GPC5: variants seen among roughly 807,000 people sequenced by gnomAD.
GPC5 encodes the protein glypican-5.
A neutral mutation model predicts 53.9 loss-of-function variants in GPC5; 47 were observed. The observed-to-expected ratio is 0.87, with a 90% CI of 0.69 to 1.11. GPC5 has a LOEUF of 1.11. Among genes scored for constraint, GPC5 ranks in the 50% most tolerant of loss-of-function variants. The probability of loss-of-function intolerance (pLI) is 0.00; values close to 1 mark genes in which losing one functional copy is unlikely to be tolerated. For missense variants in GPC5, 748 were observed against 713.1 expected (o/e 1.05, Z -0.56); for synonymous variants, 286 against 263.3 (o/e 1.09, Z -0.84).
intron 7 of GPC5, among the ~76,000 whole-genome samples, chr13:92,243,143 G>A (rs1353839083): frequency 6.6e-6 from 1 of 152,098 alleles, no homozygotes; most frequent in South Asian, 2.1e-4. Context: ...GACTTAATTT[G>A]ACTTGTTATT....
At chr13:92,415,395 G>A (rs1259326039) in intron 7 of GPC5, among the ~76,000 whole-genome samples, 2 of 152,148 alleles carry the variant, frequency 1.3e-5, no homozygotes, top group African/African-American at 4.8e-5. Context: ...GTAGATAGGT[G>A]TGAGGTATGT....
intron 7 of GPC5, among the ~76,000 whole-genome samples, chr13:92,372,047 T>A (rs978538812): frequency 2.6e-5 from 4 of 152,066 alleles, no homozygotes. Flanking sequence ...CACAAGGAGC[T>A]TCCTTCTGCC....
At chr13:91,757,320 A>C (rs985765902) in intron 5 of GPC5, among the ~76,000 whole-genome samples, 1 of 152,156 alleles carries the variant, frequency 6.6e-6, no homozygotes, top group African/African-American at 2.4e-5. Context: ...TCCATTAAAA[A>C]GTATACTTTG....
chr13:91,570,859 A>C (rs1398811870), intron 2 of GPC5, among the ~76,000 whole-genome samples: 1 of 152,192 alleles, frequency 6.6e-6, no homozygotes, highest in Admixed American at 6.6e-5. Flanking sequence ...TGGGACTCAG[A>C]ATTTTGGGAA....
At chr13:91,414,484 G>A (rs958830625) in intron 1 of GPC5, among the ~76,000 whole-genome samples, 6 of 152,120 alleles carry the variant, frequency 3.9e-5, no homozygotes, top group Non-Finnish European at 8.8e-5. Context: ...GTTTCCATAT[G>A]GAAAACCTGA....
At chr13:92,314,547 T>C (rs2043165937) in intron 7 of GPC5, among the ~76,000 whole-genome samples, 2 of 152,240 alleles carry the variant, frequency 1.3e-5, no homozygotes, top group Non-Finnish European at 2.9e-5. Flanking sequence ...TGTTTAGGCA[T>C]TCCATGTGTA....
chr13:92,499,553 G>A (rs1247764790), intron 7 of GPC5, among the ~76,000 whole-genome samples: 4 of 152,066 alleles, frequency 2.6e-5, no homozygotes, highest in Non-Finnish European at 5.9e-5. Flanking sequence ...CATGAAGAAG[G>A]CTGTGTATTT....
Position 92,428,448 on chromosome 13 carries a change from C to T in GPC5, c.1561+283459C>T, listed in dbSNP as rs138553023. ...CATCATCCAGACGCCAGCTTGCCTC[C>T]GATTGGTCCATATTTTTCAGTACTG... On this transcript the variant is annotated intron_variant, in intron 7 of 7. Coordinates refer to ENST00000377067, the MANE Select transcript of GPC5 (RefSeq NM_004466.6). 3.2e-4 allele frequency among the ~76,000 whole-genome samples: 48 copies of T among 152,128 alleles called. 1 individual carries two copies. The highest frequency in any genetic ancestry group is 1.1e-3 in the African/African-American group (45 of 41,544).
At chr13:92,570,978 C>T (rs1362805580) in intron 7 of GPC5, among the ~76,000 whole-genome samples, 7 of 152,116 alleles carry the variant, frequency 4.6e-5, no homozygotes, top group African/African-American at 1.4e-4. Flanking sequence ...TTTTCTCCTC[C>T]TTCTTTTGAT....
At chr13:91,879,395 G>T (rs1417988040) in intron 5 of GPC5, among the ~76,000 whole-genome samples, 1 of 152,048 alleles carries the variant, frequency 6.6e-6, no homozygotes, top group Non-Finnish European at 1.5e-5. Flanking sequence ...TCTGGAATTG[G>T]GCTGCTGTAC....
chr13:92,774,602 G>A (rs1354588184), intron 7 of GPC5, among the ~76,000 whole-genome samples: 1 of 152,086 alleles, frequency 6.6e-6, no homozygotes, highest in Non-Finnish European at 1.5e-5. Context: ...ATCACTAAAT[G>A]ATGCACTTTT....
At chr13:92,214,184 C>A (rs1336119414) in intron 7 of GPC5, among the ~76,000 whole-genome samples, 2 of 152,128 alleles carry the variant, frequency 1.3e-5, no homozygotes, top group Admixed American at 6.5e-5. Context: ...TCAAGGACTG[C>A]TCAAGTATAA....
At chr13:92,203,175 G>A (rs1363294627) in intron 7 of GPC5, among the ~76,000 whole-genome samples, 1 of 151,856 alleles carries the variant, frequency 6.6e-6, no homozygotes, top group Admixed American at 6.6e-5. Context: ...CTGCTATAAA[G>A]ACACATGCAC....
intron 2 of GPC5, among the ~76,000 whole-genome samples, chr13:91,621,507 A>G (rs1242077983): frequency 2.6e-5 from 4 of 151,920 alleles, no homozygotes. Flanking sequence ...TGGAATAGCA[A>G]AGCTCTCTTT....
intron 2 of GPC5, among the ~76,000 whole-genome samples, chr13:91,506,749 A>G (rs1234873440): frequency 6.6e-6 from 1 of 152,154 alleles, no homozygotes; most frequent in Non-Finnish European, 1.5e-5. Context: ...CATGAATATC[A>G]AGTAAATTAA....
intron 2 of GPC5, among the ~76,000 whole-genome samples, chr13:91,507,890 G>T (rs952087974): frequency 2.6e-5 from 4 of 151,862 alleles, no homozygotes; most frequent in African/African-American, 9.7e-5. Context: ...GTTTAAAGTG[G>T]GTTGAATACT....
At chr13:91,958,084 T>C (rs1296741941) in intron 6 of GPC5, among the ~76,000 whole-genome samples, 2 of 151,622 alleles carry the variant, frequency 1.3e-5, no homozygotes, top group Non-Finnish European at 2.9e-5. Flanking sequence ...TATAGACTGG[T>C]TGATTTTTTT....
intron 2 of GPC5, among the ~76,000 whole-genome samples, chr13:91,636,252 T>C (rs1248607669): frequency 6.6e-6 from 1 of 152,134 alleles, no homozygotes; most frequent in Non-Finnish European, 1.5e-5. Flanking sequence ...GGCACAGATA[T>C]GTTGTTTTAT....
chr13:92,478,528 C>A (rs1232797814), intron 7 of GPC5, among the ~76,000 whole-genome samples: 3 of 152,054 alleles, frequency 2.0e-5, no homozygotes, highest in Non-Finnish European at 4.4e-5. Context: ...AAAATGTATG[C>A]CTAACTTGGT....
Sources: gnomAD v4.1 joint callset for allele counts (sites outside exome capture counted in the v4.1 genomes callset) on GRCh38, gnomAD v4.1.1 for gene constraint, MANE v1.5 for transcripts, NCBI Gene and HGNC (gene_info 2026-07-23, HGNC 2026-07-21) for gene names.